Variants in CEP131 observed in about 807,000 individuals in gnomAD.
CEP131 encodes the protein centrosomal protein of 131 kDa.
A neutral mutation model predicts 136.8 loss-of-function variants in CEP131; 99 were observed. The observed-to-expected ratio is 0.72, with a 90% CI of 0.62 to 0.86. CEP131 has a LOEUF of 0.86. CEP131 is among the 40% of genes least tolerant of loss of function. CEP131 has a pLI of 0.00. For synonymous variants in CEP131, 646 were observed against 612.7 expected, an observed-to-expected ratio of 1.05 and a Z score of -0.80; for missense variants, 1,459 against 1,463.0, an observed-to-expected ratio of 1.00 and a Z score of 0.04.
chr17:81,192,811 G>A lies in CEP131; in HGVS notation c.2354C>T (p.Ala785Val), dbSNP rs754140951. ...CAGCCGCTGCCGTTGCTGCTGCAGCGCCCACTGCTCCTGCTCCAGGTGCTG... is the reference window on the plus strand; with the variant it reads ...CAGCCGCTGCCGTTGCTGCTGCAGCACCCACTGCTCCTGCTCCAGGTGCTG... ...FQQHLEQEQW[A>V]LQQQRQRLYS... Residue 785 changes from alanine (A) to valine (V), a missense_variant, in exon 19 of 26, where the codon GCG becomes GTG. This residue lies in a region of CEP131 where 1,026 missense variants were observed against 964.2 expected (regional missense o/e 1.06). Transcript: ENST00000450824. The A allele has an allele frequency of 1.9e-5, 30 of 1,598,510 alleles. No homozygotes were observed. The highest frequency in any genetic ancestry group is 9.4e-5 in the African/African-American group (7 of 74,844).
In CEP131 at chr17:81,196,793, T is replaced by C. The variant is rs1333935576; in HGVS notation, c.1807A>G (p.Lys603Glu). The change falls in exon 15 of 26, where the codon AAG becomes GAG. Residue 603 changes from lysine to glutamate, a missense_variant. Transcript: ENST00000450824. Reference protein sequence around the residue: ...QQRDLTARRVKETEKALSRQL... With the variant: ...QQRDLTARRVEETEKALSRQL... ...CGGCTCAGCGCCTTCTCTGTCTCCT[T>C]GACCCGCCGGGCCGTGAGGTCTCGC... 4 of 1,586,442 alleles carry C rather than the reference T, an allele frequency of 2.5e-6. No individual in the cohort carries two copies. Among genetic ancestry groups the C allele is most frequent in the Non-Finnish European group, 3.4e-6 (4 of 1,167,450 alleles).
intron 3 of CEP131, among the ~76,000 whole-genome samples, chr17:81,207,897 CAT>C (rs989834979): frequency 5.1e-5 from 6 of 116,772 alleles, no homozygotes; most frequent in Non-Finnish European, 9.4e-5. Flanking sequence ...CACACACACA[CAT>C]ACACCACACA....
At chr17:81,206,396 G>A (rs573132723) in intron 5 of CEP131, among the ~76,000 whole-genome samples, 1 of 152,304 alleles carries the variant, frequency 6.6e-6, no homozygotes, top group South Asian at 2.1e-4. Flanking sequence ...TGAAGGCTCA[G>A]AGGCAGCTGC....
At chr17:81,216,355 G>A (rs1296706668) in intron 2 of CEP131, among the ~76,000 whole-genome samples, 2 of 151,200 alleles carry the variant, frequency 1.3e-5, no homozygotes, top group Admixed American at 1.3e-4. Flanking sequence ...GCAAAAGTCT[G>A]TCTCAAAAGA....
intron 2 of CEP131, among the ~76,000 whole-genome samples, chr17:81,218,672 G>T (rs981993660): frequency 1.3e-5 from 2 of 152,264 alleles, no homozygotes; most frequent in Admixed American, 1.3e-4. Context: ...AACCTGCTTG[G>T]TCCAAGGGTC....
intron 10 of CEP131, 89 bp from the exon 11 acceptor site, chr17:81,199,060 G>T: frequency 7.8e-7 from 1 of 1,289,734 alleles, no homozygotes; most frequent in South Asian, 1.5e-5. Flanking sequence ...AGCCAGGCAT[G>T]GGGGAGGCGG....
At chr17:81,194,781 G>A (rs1013432233) in intron 17 of CEP131, 89 bp downstream of exon 17, 6 of 1,080,770 alleles carry the variant, frequency 5.6e-6, no homozygotes, top group African/African-American at 1.6e-5. Context: ...CGGACTACAT[G>A]AATGCCTGAA....
In CEP131 at chr17:81,191,075, G is replaced by A; in HGVS notation, c.2775C>T (p.Arg925=). 3.1e-6 allele frequency: 5 copies of A among 1,603,336 alleles called. No homozygotes were observed. The highest frequency in any genetic ancestry group is 4.3e-6 in the Non-Finnish European group (5 of 1,174,088). ...SEKAAESRIK[R]LRDKYEAELS... The stretch of plus-strand genomic sequence containing the variant: ...GCTCGGCCTCGTACTTGTCCCGTAA[G>A]CGCTTGATGCTGGAGGTGGGGGGAG... Residue 925 remains arginine, a synonymous_variant, in exon 23 of 26, where the codon CGC becomes CGT. Coordinates refer to ENST00000450824, the MANE Select transcript of CEP131 (RefSeq NM_014984.4).
intron 17 of CEP131, 70 bp from the exon 18 acceptor site, chr17:81,194,197 G>A: frequency 7.2e-7 from 1 of 1,382,482 alleles, no homozygotes; most frequent in Non-Finnish European, 9.5e-7. Flanking sequence ...CCTGGCACAA[G>A]ACCAGCCTGT....
rs1199468419 is a variant in CEP131 at position 81,197,068 on chromosome 17, C to G, written c.1648-13G>C. 6.3e-7 allele frequency: 1 copy of G among 1,580,324 alleles called. No individual in the cohort carries two copies. Among genetic ancestry groups the G allele is most frequent in the Admixed American group, 1.8e-5 (1 of 55,240 alleles). On this transcript the variant is annotated splice_polypyrimidine_tract_variant and intron_variant, in intron 13 of 25. Coordinates refer to ENST00000450824, the MANE Select transcript of CEP131 (RefSeq NM_014984.4). ...CCGGCACCCACCCCTGCAGACACAG[C>G]CGAGCGTCAGGCGGAAGCGGCAGAG...
chr17:81,196,914 G>A lies in CEP131; in HGVS notation c.1773+16C>T. 4 of 1,608,938 alleles carry A rather than the reference G, an allele frequency of 2.5e-6. No individual in the cohort carries two copies. The highest frequency in any genetic ancestry group is 3.4e-6 in the Non-Finnish European group (4 of 1,178,220). On this transcript the variant is annotated intron_variant, in intron 14 of 25. Transcript: ENST00000450824. ...AGGCTAGCAGGGCCCGGGATTAGCA[G>A]TGCCAGCAGCGTTACCAGCGCTCTC...
chr17:81,194,135 C>G lies in CEP131; in HGVS notation c.2120-8G>C. On this transcript the variant is annotated splice_region_variant and splice_polypyrimidine_tract_variant and intron_variant, in intron 17 of 25. Coordinates refer to ENST00000450824, the MANE Select transcript of CEP131 (RefSeq NM_014984.4). ...GGATCTCGGGCTCCAGACCTGGGGG[C>G]GGGGCACCAGCTAGGGCCACGTCCA... is the stretch of plus-strand genomic sequence containing the variant. The G allele has an allele frequency of 6.6e-7, 1 of 1,512,494 alleles. No individual in the cohort carries two copies. The highest frequency in any genetic ancestry group is 8.8e-7 in the Non-Finnish European group (1 of 1,131,674). 93.7% of individuals were successfully genotyped at this position (1,512,494 alleles called of 1,614,324 possible).
rs562779575 is a variant in CEP131 at position 81,194,135 on chromosome 17, C to T, written c.2120-8G>A. 2.6e-6 allele frequency: 4 copies of T among 1,512,494 alleles called. No homozygotes were observed. Among genetic ancestry groups the T allele is most frequent in the Non-Finnish European group, 3.5e-6 (4 of 1,131,674 alleles). The allele number at this position is 1,512,494 out of a possible 1,614,324, so 93.7% of individuals were successfully genotyped here. On this transcript the variant is annotated splice_region_variant and splice_polypyrimidine_tract_variant and intron_variant, in intron 17 of 25. Coordinates refer to ENST00000450824, the MANE Select transcript of CEP131 (RefSeq NM_014984.4). ...GGATCTCGGGCTCCAGACCTGGGGG[C>T]GGGGCACCAGCTAGGGCCACGTCCA...
At chr17:81,190,363 A>G (rs2061610767) in intron 24 of CEP131, among the ~76,000 whole-genome samples, 1 of 152,084 alleles carries the variant, frequency 6.6e-6, no homozygotes, top group African/African-American at 2.4e-5. Context: ...GGGCCCCGGG[A>G]GCTGACTCCC....
chr17:81,191,091 G>GT lies in CEP131; in HGVS notation c.2766-8dup, dbSNP rs2061630346. ...GTCCCGTAAGCGCTTGATGCTGGAG[G>GT]TGGGGGGAGGGCAGGGTCACTCCAG... On this transcript the variant is annotated splice_polypyrimidine_tract_variant and splice_region_variant and intron_variant, in intron 22 of 25. Coordinates refer to ENST00000450824, the MANE Select transcript of CEP131 (RefSeq NM_014984.4). 1 of 1,600,250 alleles carries GT rather than the reference G, an allele frequency of 6.2e-7. No individual in the cohort carries two copies. Among genetic ancestry groups the GT allele is most frequent in the African/African-American group, 1.3e-5 (1 of 74,650 alleles).
At position 81,194,747 on chromosome 17, in the gene CEP131, G is replaced by A. The variant is rs1485129489; in HGVS notation, c.2119+123C>T. On this transcript the variant is annotated intron_variant, in intron 17 of 25. Coordinates refer to ENST00000450824, the MANE Select transcript of CEP131 (RefSeq NM_014984.4). ...TGACGGGGGTGGTTGGGGCATGAGT[G>A]TTCACCTCTGCCCAGGAAGGTCTCG... is the stretch of plus-strand genomic sequence containing the variant. The A allele has an allele frequency of 2.5e-5, 22 of 865,124 alleles. No individual in the cohort carries two copies. In the Admixed American group the frequency reaches 3.9e-4, roughly 15 times the overall value. The allele number at this position is 865,124 out of a possible 1,614,324, so 53.6% of individuals were successfully genotyped here.
chr17:81,202,217 C>CT (rs759552129), intron 7 of CEP131, 23 bp downstream of exon 7: 72 of 1,549,686 alleles, frequency 4.6e-5, no homozygotes, highest in Non-Finnish European at 5.7e-5. Flanking sequence ...CAGGCCCCCC[C>CT]CCACCGCCCC....
intron 24 of CEP131, 31 bp from the exon 25 acceptor site, chr17:81,190,006 G>A: frequency 6.3e-7 from 1 of 1,575,812 alleles, no homozygotes; most frequent in Non-Finnish European, 8.7e-7. Context: ...GCTTCAGTGT[G>A]GCCCCCGCCC....
intron 21 of CEP131, 146 bp downstream of exon 21, chr17:81,192,172 A>G (rs906178): frequency 0.97 from 694,114 of 714,790 alleles, 337,226 homozygotes; most frequent in East Asian, 0.99. Flanking sequence ...CAGTTCAGAC[A>G]ACAACCCCAA....
Sources: allele counts gnomAD v4.1 joint callset (sites outside exome capture counted in the v4.1 genomes callset), GRCh38; gene constraint gnomAD v4.1.1; regional missense constraint gnomAD v4.1.1; transcripts MANE v1.5; gene names NCBI Gene and HGNC (gene_info 2026-07-23, HGNC 2026-07-21).